Variants in NEO1 observed in about 807,000 individuals in gnomAD.
NEO1 encodes the protein neogenin 1.
Under a neutral mutation model 159.7 loss-of-function variants are expected in NEO1, and 63 were observed. The ratio of observed to expected loss-of-function variants is 0.39; its 90% confidence interval spans 0.32 to 0.49. NEO1 has a LOEUF of 0.49. NEO1 is among the 20% of genes least tolerant of loss of function. The probability of loss-of-function intolerance (pLI) is 0.85; values close to 1 mark genes in which losing one functional copy is unlikely to be tolerated. For missense variants in NEO1, 1,615 were observed against 1,831.0 expected, an observed-to-expected ratio of 0.88 and a Z score of 2.15; for synonymous variants, 633 against 662.0, an observed-to-expected ratio of 0.96 and a Z score of 0.67.
At chr15:73,248,243 A>G (rs2039899522) in intron 9 of NEO1, among the ~76,000 whole-genome samples, 1 of 152,118 alleles carries the variant, frequency 6.6e-6, no homozygotes, top group African/African-American at 2.4e-5. Flanking sequence ...TTTTTCTTCC[A>G]TGCATGTGTT....
chr15:73,245,031 C>T (rs2039712663), intron 9 of NEO1, among the ~76,000 whole-genome samples: 2 of 146,276 alleles, frequency 1.4e-5, no homozygotes, highest in African/African-American at 2.5e-5. Context: ...TGCTTTTCTA[C>T]GTGTTCATAT....
chr15:73,152,391 T>C (rs1165611362), intron 5 of NEO1, among the ~76,000 whole-genome samples: 1 of 151,812 alleles, frequency 6.6e-6, no homozygotes, highest in Non-Finnish European at 1.5e-5. Flanking sequence ...TCGGGAGGAG[T>C]GGGTTCAGAG....
intron 4 of NEO1, among the ~76,000 whole-genome samples, chr15:73,133,060 C>CA: frequency 1.3e-5 from 2 of 152,048 alleles, no homozygotes; most frequent in African/African-American, 4.8e-5. Context: ...AGTCATTATA[C>CA]AAAAAAGATA....
intron 1 of NEO1, among the ~76,000 whole-genome samples, chr15:73,103,726 C>T (rs537959617): frequency 6.6e-6 from 1 of 152,166 alleles, no homozygotes. Flanking sequence ...GGTTCCTGCT[C>T]TCATTGAGCT....
chr15:73,202,117 C>A (rs1427107871), intron 7 of NEO1, among the ~76,000 whole-genome samples: 1 of 151,956 alleles, frequency 6.6e-6, no homozygotes, highest in Non-Finnish European at 1.5e-5. Context: ...GCATGCGCCA[C>A]CACACCTGGC....
At chr15:73,217,038 T>G (rs1203319847) in intron 7 of NEO1, among the ~76,000 whole-genome samples, 1 of 152,218 alleles carries the variant, frequency 6.6e-6, no homozygotes, top group Non-Finnish European at 1.5e-5. Context: ...GCCTAGGTTT[T>G]CTTCTAGGGT....
At chr15:73,296,487 C>A (rs367954490) in intron 26 of NEO1, among the ~76,000 whole-genome samples, 3 of 152,098 alleles carry the variant, frequency 2.0e-5, no homozygotes, top group African/African-American at 7.2e-5. Flanking sequence ...TGTACGAGTC[C>A]CTCATCCATG....
intron 24 of NEO1, 106 bp from the exon 25 acceptor site, chr15:73,289,040 A>T: frequency 1.3e-6 from 1 of 787,276 alleles, no homozygotes; most frequent in Non-Finnish European, 2.2e-6. Context: ...TGTCCCCATT[A>T]TGCTGTTTGT....
chr15:73,103,078 A>T (rs190208270), intron 1 of NEO1, among the ~76,000 whole-genome samples: 252 of 150,574 alleles, frequency 1.7e-3, no homozygotes, highest in African/African-American at 5.8e-3. Context: ...CATGTCTGCC[A>T]TTTTTTTTTC....
intron 23 of NEO1, 61 bp from the exon 24 acceptor site, chr15:73,288,252 C>A: frequency 6.6e-7 from 1 of 1,518,062 alleles, no homozygotes; most frequent in Non-Finnish European, 9.1e-7. Context: ...TCACTCAAGC[C>A]TTTTGACAAA....
chr15:73,240,985 G>T (rs1433172019), intron 8 of NEO1, among the ~76,000 whole-genome samples: 1 of 152,106 alleles, frequency 6.6e-6, no homozygotes, highest in African/African-American at 2.4e-5. Context: ...CTTCACAGAC[G>T]TGTGGTAAGA....
Position 73,272,501 on chromosome 15 carries a change from G to C in NEO1, c.2904G>C (p.Gly968=). The C allele has an allele frequency of 6.2e-7, 1 of 1,614,062 alleles. No homozygotes were observed. Among genetic ancestry groups the C allele is most frequent in the Non-Finnish European group, 8.5e-7 (1 of 1,179,948 alleles). Reference sequence around the variant, plus strand: ...ATGTGACTGTTGTGAGTAAAGAGGGGAAACCTAAGACCATAATTGTGAATT... The same window carrying C: ...ATGTGACTGTTGTGAGTAAAGAGGGCAAACCTAAGACCATAATTGTGAATT... ...PKDVTVVSKE[G]KPKTIIVNWQ... The change falls in exon 19 of 29, where the codon GGG becomes GGC. Residue 968 remains glycine (G), a synonymous_variant. Transcript: ENST00000261908.
chr15:73,297,652 C>T (rs2042428318), intron 26 of NEO1, among the ~76,000 whole-genome samples: 1 of 151,216 alleles, frequency 6.6e-6, no homozygotes, highest in Admixed American at 6.6e-5. Flanking sequence ...AACTCTGCCC[C>T]TTCTTATATT....
At chr15:73,251,745 G>A (rs2040083457) in intron 11 of NEO1, among the ~76,000 whole-genome samples, 6 of 152,140 alleles carry the variant, frequency 3.9e-5, no homozygotes, top group Admixed American at 3.9e-4. Flanking sequence ...TCAGCATGGT[G>A]GCTAGGGGCA....
chr15:73,225,636 C>T (rs2038540323), intron 7 of NEO1, among the ~76,000 whole-genome samples: 1 of 152,148 alleles, frequency 6.6e-6, no homozygotes, highest in Non-Finnish European at 1.5e-5. Flanking sequence ...CAGTCTCATT[C>T]TCACTGTGCC....
chr15:73,073,940 A>G (rs1409884851), intron 1 of NEO1, among the ~76,000 whole-genome samples: 1 of 152,198 alleles, frequency 6.6e-6, no homozygotes, highest in African/African-American at 2.4e-5. Flanking sequence ...ACCCTACTCT[A>G]GAATCTTAAA....
At chr15:73,298,731 CT>C in intron 27 of NEO1, 120 bp downstream of exon 27, 1 of 1,357,506 alleles carries the variant, frequency 7.4e-7, no homozygotes, top group Non-Finnish European at 1.0e-6. Flanking sequence ...CCAAGCCTAT[CT>C]TAGCAATTCT....
intron 1 of NEO1, among the ~76,000 whole-genome samples, chr15:73,097,151 A>G (rs1298303288): frequency 6.6e-6 from 1 of 152,116 alleles, no homozygotes; most frequent in Non-Finnish European, 1.5e-5. Flanking sequence ...AATAATGTAA[A>G]AAAGACTGCA....
chr15:73,269,804 T>C (rs1211509263), intron 16 of NEO1, among the ~76,000 whole-genome samples: 4 of 152,224 alleles, frequency 2.6e-5, no homozygotes, highest in Non-Finnish European at 5.9e-5. Flanking sequence ...ACTGCTTCTC[T>C]TAACATTTTT....
Sources: gnomAD v4.1 joint callset for allele counts (sites outside exome capture counted in the v4.1 genomes callset) on GRCh38, gnomAD v4.1.1 for gene constraint, MANE v1.5 for transcripts, NCBI Gene and HGNC (gene_info 2026-07-23, HGNC 2026-07-21) for gene names.